Variants in NPAS3 observed in about 807,000 individuals in gnomAD.
NPAS3 encodes neuronal PAS domain-containing protein 3.
Under a neutral mutation model 73.1 loss-of-function variants are expected in NPAS3, and 14 were observed. The ratio of observed to expected loss-of-function variants is 0.19; its 90% CI spans 0.13 to 0.30. The LOEUF is 0.30. Among genes scored for constraint, NPAS3 ranks in the 10% least tolerant of loss-of-function variants. The pLI is 1.00. For synonymous variants in NPAS3, 620 were observed against 541.5 expected (o/e 1.14, Z -2.01); for missense variants, 1,096 against 1,250.0 (o/e 0.88, Z 1.86).
At chr14:33,115,574 T>C (rs2138998652) in intron 2 of NPAS3, among the ~76,000 whole-genome samples, 1 of 152,266 alleles carries the variant, frequency 6.6e-6, no homozygotes, top group Middle Eastern at 3.4e-3. Context: ...AGGTGTTCCA[T>C]CTTAACTAGA....
At chr14:32,970,810 C>T (rs1374532793) in intron 1 of NPAS3, among the ~76,000 whole-genome samples, 1 of 152,150 alleles carries the variant, frequency 6.6e-6, no homozygotes, top group Non-Finnish European at 1.5e-5. Context: ...GTGTCTGTAA[C>T]ACATTTTTCA....
intron 2 of NPAS3, among the ~76,000 whole-genome samples, chr14:33,084,256 T>G (rs1321907681): frequency 6.6e-6 from 1 of 152,192 alleles, no homozygotes; most frequent in Admixed American, 6.5e-5. Flanking sequence ...TTACACAAAT[T>G]CATGAAGTAC....
chr14:33,562,157 G>A (rs2055681404), intron 5 of NPAS3, among the ~76,000 whole-genome samples: 2 of 152,044 alleles, frequency 1.3e-5, no homozygotes, highest in African/African-American at 4.8e-5. Context: ...AGAAAAATTT[G>A]GCTTTAACCC....
At chr14:33,545,299 C>G (rs971960714) in intron 4 of NPAS3, among the ~76,000 whole-genome samples, 2 of 152,042 alleles carry the variant, frequency 1.3e-5, no homozygotes, top group East Asian at 3.9e-4. Flanking sequence ...TTTCTCCTTA[C>G]GAGTAGATAA....
At chr14:33,773,662 C>A (rs572077764) in intron 7 of NPAS3, among the ~76,000 whole-genome samples, 23 of 152,292 alleles carry the variant, frequency 1.5e-4, no homozygotes, top group African/African-American at 5.3e-4. Context: ...CTCTGAGCTG[C>A]CACTAAGATG....
intron 4 of NPAS3, among the ~76,000 whole-genome samples, chr14:33,470,176 G>A (rs2050719507): frequency 6.6e-6 from 1 of 152,174 alleles, no homozygotes; most frequent in Admixed American, 6.5e-5. Flanking sequence ...ACCTACCTCA[G>A]AAGTCATATA....
At chr14:32,990,498 C>T (rs946571710) in intron 1 of NPAS3, among the ~76,000 whole-genome samples, 5 of 152,158 alleles carry the variant, frequency 3.3e-5, no homozygotes, top group African/African-American at 1.2e-4. Context: ...ATTATTCCTC[C>T]TTCCCTCATT....
upstream of NPAS3, among the ~76,000 whole-genome samples, chr14:32,938,740 A>T (rs1009996777): frequency 1.3e-5 from 2 of 148,708 alleles, no homozygotes; most frequent in African/African-American, 2.4e-5. Flanking sequence ...GTGACGGGGG[A>T]CGGGGGCGGG....
chr14:33,108,713 A>G (rs1253851291), intron 2 of NPAS3, among the ~76,000 whole-genome samples: 1 of 152,182 alleles, frequency 6.6e-6, no homozygotes, highest in Non-Finnish European at 1.5e-5. Flanking sequence ...ATAGAGCATT[A>G]GATTTGAAAA....
chr14:33,197,245 G>GTGTGTGTGTGTT (rs1166287619), intron 2 of NPAS3, among the ~76,000 whole-genome samples: 5 of 143,842 alleles, frequency 3.5e-5, no homozygotes, highest in Non-Finnish European at 6.1e-5. Context: ...GGCTGTGTGT[G>GTGTGTGTGTGTT]TGTGTGTGTG....
intron 4 of NPAS3, among the ~76,000 whole-genome samples, chr14:33,387,240 T>C (rs2046810190): frequency 6.6e-6 from 1 of 152,318 alleles, no homozygotes; most frequent in South Asian, 2.1e-4. Flanking sequence ...CTCAGTGTTG[T>C]CAGCCCCTCA....
In NPAS3 at chr14:33,299,399, G is replaced by A. The variant is rs116073584; in HGVS notation, c.386-67787G>A. 4.9e-3 allele frequency among the ~76,000 whole-genome samples: 743 copies of A among 152,148 alleles called. 7 individuals are homozygous for A. The highest frequency in any genetic ancestry group is 0.017 in the African/African-American group (704 of 41,502). ...CTGCTGGGGCTGTTAGAAGAAAAGC[G>A]TGCCCTATTCTACAGGACCTGAACC... On this transcript the variant is annotated intron_variant, in intron 3 of 11. Transcript: ENST00000356141.
chr14:33,336,932 G>T (rs1158278635), intron 3 of NPAS3, among the ~76,000 whole-genome samples: 1 of 152,022 alleles, frequency 6.6e-6, no homozygotes, highest in African/African-American at 2.4e-5. Flanking sequence ...TGGGTTGTTT[G>T]TCTTTGTCTT....
intron 4 of NPAS3, among the ~76,000 whole-genome samples, chr14:33,418,159 C>T (rs967384520): frequency 1.3e-5 from 2 of 151,768 alleles, no homozygotes; most frequent in Admixed American, 6.6e-5. Context: ...AGAGCATGCC[C>T]CTACCTAACT....
At chr14:33,723,083 C>G (rs991199046) in intron 6 of NPAS3, among the ~76,000 whole-genome samples, 1 of 152,162 alleles carries the variant, frequency 6.6e-6, no homozygotes. Context: ...AGACCCCATA[C>G]CTAAGATGGC....
chr14:33,345,431 C>A (rs1042277658), intron 3 of NPAS3, among the ~76,000 whole-genome samples: 7 of 152,156 alleles, frequency 4.6e-5, no homozygotes, highest in Admixed American at 1.3e-4. Context: ...TAATCCTAGA[C>A]AAAACTTTAT....
At chr14:33,707,647 G>A (rs999352864) in intron 6 of NPAS3, among the ~76,000 whole-genome samples, 13 of 152,334 alleles carry the variant, frequency 8.5e-5, no homozygotes, top group African/African-American at 3.1e-4. Flanking sequence ...GAGAATTCCT[G>A]CCCAAGTGGA....
intron 4 of NPAS3, among the ~76,000 whole-genome samples, chr14:33,554,573 A>G (rs926322533): frequency 2.0e-5 from 3 of 152,236 alleles, no homozygotes; most frequent in African/African-American, 7.2e-5. Flanking sequence ...TGTCATTAAA[A>G]TAACCTAGCC....
chr14:33,218,009 G>T (rs17100395), intron 3 of NPAS3, among the ~76,000 whole-genome samples: 1 of 151,880 alleles, frequency 6.6e-6, no homozygotes, highest in Non-Finnish European at 1.5e-5. Flanking sequence ...TTATTTTGTG[G>T]CCTTCAATTC....
Sources: gnomAD v4.1 joint callset for allele counts (sites outside exome capture counted in the v4.1 genomes callset) on GRCh38, gnomAD v4.1.1 for gene constraint, MANE v1.5 for transcripts, NCBI Gene and HGNC (gene_info 2026-07-23, HGNC 2026-07-21) for gene names.